The following SEPTIN11 variants were observed in gnomAD, a reference collection of about 807,000 sequenced individuals.
SEPTIN11 encodes the protein septin 11.
SEPTIN11 carries 25 observed loss-of-function variants against 51.4 expected under a neutral mutation model. The observed-to-expected ratio is 0.49, with a 90% CI of 0.35 to 0.68. The LOEUF (loss-of-function observed/expected upper bound fraction) is 0.68. Ranked by LOEUF, SEPTIN11 falls within the 30% of genes least tolerant of loss-of-function variation. The probability of loss-of-function intolerance (pLI) is 0.00; values close to 1 mark genes in which losing one functional copy is unlikely to be tolerated. For missense variants in SEPTIN11, 381 were observed against 520.8 expected, an observed-to-expected ratio of 0.73 and a Z score of 2.61; for synonymous variants, 174 against 184.1, an observed-to-expected ratio of 0.95 and a Z score of 0.44.
chr4:76,950,386 G>T (rs1164441801), intron 1 of SEPTIN11, among the ~76,000 whole-genome samples: 4 of 152,232 alleles, frequency 2.6e-5, no homozygotes, highest in African/African-American at 9.6e-5. Context: ...AAGCAGGTCA[G>T]AGGGGTGGGA....
At chr4:76,962,887 A>C (rs1721881989) in intron 1 of SEPTIN11, among the ~76,000 whole-genome samples, 1 of 152,174 alleles carries the variant, frequency 6.6e-6, no homozygotes, top group Admixed American at 6.5e-5. Flanking sequence ...AGATGTACTC[A>C]ATCTGTCCGG....
At position 76,984,829 on chromosome 4, in the gene SEPTIN11, A is replaced by G. The variant is rs1722941445; in HGVS notation, c.28-11596A>G. On this transcript the variant is annotated intron_variant, in intron 1 of 9. Coordinates refer to ENST00000264893, the MANE Select transcript of SEPTIN11 (RefSeq NM_018243.4). The surrounding 1 kb of genome is among the most constrained non-coding windows in gnomAD (Gnocchi z 4.1). ...CTGGGTTGTTTGGGACCCACTGGACAGCAAGAGGGTTTTGAAATGGTTTAT... is the reference window on the plus strand; with the variant it reads ...CTGGGTTGTTTGGGACCCACTGGACGGCAAGAGGGTTTTGAAATGGTTTAT... 6.6e-6 allele frequency among the ~76,000 whole-genome samples: 1 copy of G among 152,234 alleles called. No homozygotes were observed. Among genetic ancestry groups the G allele is most frequent in the South Asian group, 2.1e-4 (1 of 4,834 alleles).
intron 7 of SEPTIN11, among the ~76,000 whole-genome samples, chr4:77,025,040 T>A (rs1380975754): frequency 6.6e-6 from 1 of 152,164 alleles, no homozygotes; most frequent in East Asian, 1.9e-4. Context: ...TGAACTGAAG[T>A]GTCTGTGTTC....
intron 1 of SEPTIN11, among the ~76,000 whole-genome samples, chr4:76,964,170 A>G (rs1015736379): frequency 6.6e-6 from 1 of 152,188 alleles, no homozygotes; most frequent in Non-Finnish European, 1.5e-5. Flanking sequence ...TCCATGGTGT[A>G]TATGTGCCAC....
At chr4:76,956,962 A>ATGTGTGTGTGTGTTTG (rs1553966571) in intron 1 of SEPTIN11, among the ~76,000 whole-genome samples, 5 of 119,116 alleles carry the variant, frequency 4.2e-5, no homozygotes, top group African/African-American at 1.7e-4. Flanking sequence ...TAGTAGAATG[A>ATGTGTGTGTGTGTTTG]TGTGTGTGTG....
At chr4:77,007,991 G>A (rs1044620173) in intron 3 of SEPTIN11, among the ~76,000 whole-genome samples, 3 of 152,208 alleles carry the variant, frequency 2.0e-5, no homozygotes, top group Non-Finnish European at 4.4e-5. Context: ...TTCTGCCATA[G>A]ATGCAAGACT....
At chr4:76,997,961 C>T (rs746631820) in intron 2 of SEPTIN11, among the ~76,000 whole-genome samples, 11 of 152,044 alleles carry the variant, frequency 7.2e-5, no homozygotes, top group Non-Finnish European at 1.0e-4. Flanking sequence ...CTGCAGGGGA[C>T]GGTAGGGGAA....
intron 3 of SEPTIN11, among the ~76,000 whole-genome samples, chr4:77,007,008 A>T (rs1220152349): frequency 1.3e-5 from 2 of 152,204 alleles, no homozygotes; most frequent in African/African-American, 4.8e-5. Flanking sequence ...TTTATTTTGC[A>T]TACCAAAATG....
intron 3 of SEPTIN11, among the ~76,000 whole-genome samples, chr4:77,008,685 T>A (rs1461344135): frequency 2.0e-5 from 3 of 152,094 alleles, no homozygotes; most frequent in Admixed American, 6.6e-5. Flanking sequence ...TTTTTGTGTG[T>A]GTGTATGTTT....
chr4:76,964,598 T>C (rs1448606991), intron 1 of SEPTIN11, among the ~76,000 whole-genome samples: 1 of 152,186 alleles, frequency 6.6e-6, no homozygotes, highest in Admixed American at 6.5e-5. Flanking sequence ...GTAAAAGTTA[T>C]GGTTTAACAA....
rs13129390 is a variant in SEPTIN11, at chr4:76,950,020, C to G, written c.27+90C>G. 7.1e-6 allele frequency: 9 copies of G among 1,259,756 alleles called. No individual in the cohort carries two copies. The Admixed American group carries it at 3.4e-4, about 48-fold the overall frequency. The allele number at this position is 1,259,756 out of a possible 1,614,324, so 78.0% of individuals were successfully genotyped here. A position where few individuals can be genotyped will look rare whatever the true frequency, so the allele number is the denominator to read the frequency against. ...CGGTGAGGACCACAGGGGAGCCGGG[C>G]GGGTGCTCGGCCCCGCGGCGGCGGC... On this transcript the variant is annotated intron_variant, in intron 1 of 9. Transcript: ENST00000264893.
At chr4:77,033,539 A>C (rs939208853) in intron 9 of SEPTIN11, among the ~76,000 whole-genome samples, 3 of 152,160 alleles carry the variant, frequency 2.0e-5, no homozygotes, top group Non-Finnish European at 4.4e-5. Context: ...TGACAGGCAA[A>C]GTAGAACTAA....
chr4:77,005,848 C>A, intron 3 of SEPTIN11, 52 bp downstream of exon 3: 1 of 1,524,524 alleles, frequency 6.6e-7, no homozygotes. Flanking sequence ...ATAGCAGGAT[C>A]CATCCCAGGT....
chr4:76,956,993 T>TGTGAGA (rs769320568), intron 1 of SEPTIN11, among the ~76,000 whole-genome samples: 1,776 of 98,570 alleles, frequency 0.018, 46 homozygotes, highest in African/African-American at 0.055. Flanking sequence ...TGTGTGTGTG[T>TGTGAGA]GAGAGAGAGA....
intron 5 of SEPTIN11, among the ~76,000 whole-genome samples, chr4:77,016,631 C>CATATATATATATAT: frequency 4.4e-5 from 1 of 22,724 alleles, no homozygotes; most frequent in African/African-American, 1.6e-4. Context: ...TATATATATA[C>CATATATATATATAT]ACATATATAT....
At chr4:77,026,459 T>C (rs1003400695) in intron 7 of SEPTIN11, among the ~76,000 whole-genome samples, 2 of 152,336 alleles carry the variant, frequency 1.3e-5, no homozygotes, top group African/African-American at 4.8e-5. Context: ...TCTCCAGGAC[T>C]GAACTTCGGA....
rs1301706339 is a variant in SEPTIN11 at position 76,998,504 on chromosome 4, C to T, written c.142+1965C>T. 2.0e-5 allele frequency among the ~76,000 whole-genome samples: 3 copies of T among 152,182 alleles called. No individual in the cohort carries two copies. In the South Asian group the frequency reaches 6.2e-4, roughly 31 times the overall value. On this transcript the variant is annotated intron_variant, in intron 2 of 9. Transcript: ENST00000264893. ...TTCCTTGGCTCTTGGCTCCTTCCAT[C>T]CATTCTCAAAGCCAGTCACGTTGCA...
At chr4:76,959,664 A>G (rs962710714) in intron 1 of SEPTIN11, among the ~76,000 whole-genome samples, 2 of 152,142 alleles carry the variant, frequency 1.3e-5, no homozygotes, top group South Asian at 2.1e-4. Context: ...TACATGAACT[A>G]TGAACTTAGG....
chr4:77,009,522 G>C (rs960432064), intron 3 of SEPTIN11, among the ~76,000 whole-genome samples: 14 of 152,088 alleles, frequency 9.2e-5, no homozygotes, highest in African/African-American at 3.1e-4. Context: ...TGATTGGCCA[G>C]GACTCTCTAA....
Sources: gnomAD v4.1 joint callset for allele counts (sites outside exome capture counted in the v4.1 genomes callset) on GRCh38, gnomAD v4.1.1 for gene constraint, Gnocchi (gnomAD v3.1) non-coding constraint, MANE v1.5 for transcripts, NCBI Gene and HGNC (gene_info 2026-07-23, HGNC 2026-07-21) for gene names.